The following LMBRD2 variants were observed in gnomAD, a reference collection of about 807,000 sequenced individuals.
The protein encoded by LMBRD2 is LMBR1 domain containing 2, also known as G protein-coupled receptor-associated protein LMBRD2.
In LMBRD2, 55 loss-of-function variants were observed where a neutral mutation model predicts 94.4. The observed-to-expected ratio is 0.58, with a 90% CI of 0.47 to 0.73. The LOEUF (loss-of-function observed/expected upper bound fraction) is 0.73. Ranked by LOEUF, LMBRD2 falls within the 30% of genes least tolerant of loss-of-function variation. The pLI, the probability that LMBRD2 is intolerant of heterozygous loss-of-function variation, is 0.00. For synonymous variants in LMBRD2, 246 were observed against 272.4 expected, an observed-to-expected ratio of 0.90 and a Z score of 0.95; for missense variants, 640 against 831.9, an observed-to-expected ratio of 0.77 and a Z score of 2.84.
At chr5:36,140,938 GTAGACAGTGGATAACTA>G in intron 4 of LMBRD2, 152 bp downstream of exon 4, 1 of 505,902 alleles carries the variant, frequency 2.0e-6, no homozygotes. Flanking sequence ...GAGATGCTTA[GTAGACAGTGGATAACTA>G]TGAGTTTGGA....
intron 7 of LMBRD2, among the ~76,000 whole-genome samples, chr5:36,123,805 T>C (rs986565288): frequency 1.3e-5 from 2 of 151,380 alleles, no homozygotes; most frequent in African/African-American, 4.8e-5. Flanking sequence ...CATGAATATA[T>C]TAATGAAATA....
rs1378566168 is a variant in LMBRD2, at chr5:36,151,316, C to T, written c.-58+240G>A. 2.6e-5 allele frequency among the ~76,000 whole-genome samples: 4 copies of T among 152,224 alleles called. No individual in the cohort carries two copies. In the East Asian group the frequency reaches 7.7e-4, roughly 29 times the overall value. On this transcript the variant is annotated intron_variant, in intron 1 of 17. Coordinates refer to ENST00000296603, the MANE Select transcript of LMBRD2 (RefSeq NM_001007527.2). The surrounding 1 kb of genome is among the most constrained non-coding windows in gnomAD (Gnocchi z 4.7). Reference sequence around the variant, plus strand: ...TTGCTATTTATGAGACCTGTCAAGGCTGCAAGGGCATGCGCAGCCTTCCCA... The same window carrying T: ...TTGCTATTTATGAGACCTGTCAAGGTTGCAAGGGCATGCGCAGCCTTCCCA...
chr5:36,146,334 A>C (rs1370717520), intron 1 of LMBRD2, among the ~76,000 whole-genome samples: 1 of 152,200 alleles, frequency 6.6e-6, no homozygotes, highest in East Asian at 1.9e-4. Flanking sequence ...TCAAGGTGTC[A>C]GCAGGTTTGC....
chr5:36,107,637 T>G (rs117527279), intron 16 of LMBRD2, among the ~76,000 whole-genome samples: 1 of 152,318 alleles, frequency 6.6e-6, no homozygotes, highest in East Asian at 1.9e-4. Context: ...CCTATGACCT[T>G]GTACTTAGTA....
At chr5:36,113,405 G>A (rs1462621322) in intron 13 of LMBRD2, among the ~76,000 whole-genome samples, 4 of 152,062 alleles carry the variant, frequency 2.6e-5, no homozygotes, top group Non-Finnish European at 5.9e-5. Flanking sequence ...ATGTGAGTCC[G>A]CTGATGCTCC....
intron 7 of LMBRD2, among the ~76,000 whole-genome samples, chr5:36,123,970 C>A (rs896173198): frequency 6.6e-6 from 1 of 151,818 alleles, no homozygotes; most frequent in Non-Finnish European, 1.5e-5. Context: ...TATTACTCAA[C>A]CTCTATCTCC....
At chr5:36,135,682 A>C (rs1335859108) in intron 6 of LMBRD2, among the ~76,000 whole-genome samples, 3 of 152,222 alleles carry the variant, frequency 2.0e-5, no homozygotes, top group African/African-American at 7.2e-5. Context: ...AGGTGACTAC[A>C]ATAATCTCTT....
At position 36,122,408 on chromosome 5, in the gene LMBRD2, A is replaced by G. The variant is rs764841047; in HGVS notation, c.992T>C (p.Leu331Ser). Residue 331 changes from leucine (L) to serine (S), a missense_variant, in exon 9 of 18, where the codon TTG (leucine) becomes TCG (serine). Around this residue, in one of 2 missense-constraint regions of LMBRD2, gnomAD observed 457 missense variants for 642.8 expected, o/e 0.71. Coordinates refer to ENST00000296603, the MANE Select transcript of LMBRD2 (RefSeq NM_001007527.2). ...RRTQVQWQIL[L>S]EQAFYLEDVA... ...ATCTTCTAGATAAAATGCTTGTTCC[A>G]AAAGAATCTGCCATTGTACTTGAGT... The G allele has an allele frequency of 6.2e-7, 1 of 1,613,694 alleles. No homozygotes were observed. The highest frequency in any genetic ancestry group is 8.5e-7 in the Non-Finnish European group (1 of 1,179,812).
At chr5:36,105,994 T>C (rs1300526209) in intron 16 of LMBRD2, among the ~76,000 whole-genome samples, 1 of 152,188 alleles carries the variant, frequency 6.6e-6, no homozygotes, top group Non-Finnish European at 1.5e-5. Flanking sequence ...ATATTTACAT[T>C]TTTGTAAGCT....
At chr5:36,121,354 T>A (rs908119917) in intron 9 of LMBRD2, among the ~76,000 whole-genome samples, 5 of 152,224 alleles carry the variant, frequency 3.3e-5, no homozygotes, top group Non-Finnish European at 4.4e-5. Flanking sequence ...TAAGTCTTCA[T>A]ACTCAAAACC....
At chr5:36,128,381 A>C (rs1744056325) in intron 6 of LMBRD2, among the ~76,000 whole-genome samples, 1 of 152,220 alleles carries the variant, frequency 6.6e-6, no homozygotes, top group Admixed American at 6.5e-5. Context: ...GAACATCCAC[A>C]AGAATCAAGC....
At chr5:36,110,693 C>T (rs991791309) in intron 14 of LMBRD2, among the ~76,000 whole-genome samples, 6 of 152,132 alleles carry the variant, frequency 3.9e-5, no homozygotes, top group African/African-American at 1.4e-4. Context: ...AAATTTAATA[C>T]ACTCAGTTTT....
At position 36,099,443 on chromosome 5, in the gene LMBRD2, T is replaced by G. The variant is rs1743303430; in HGVS notation, c.*4603A>C. 1 of 152,152 alleles carries G rather than the reference T, an allele frequency of 6.6e-6. No homozygotes were observed. Among genetic ancestry groups the G allele is most frequent in the African/African-American group, 2.4e-5 (1 of 41,456 alleles). The allele number at this position is 152,152 out of a possible 1,614,324, so 9.4% of individuals were successfully genotyped here. A position where few individuals can be genotyped will look rare whatever the true frequency, so the allele number is the denominator to read the frequency against. ...ATGAACAAAAACAAATCCATTGGAT[T>G]GCTTTTAAAAAATATATACACAGTC... On this transcript the variant is annotated 3_prime_UTR_variant, in exon 18 of 18. Coordinates refer to ENST00000296603, the MANE Select transcript of LMBRD2 (RefSeq NM_001007527.2).
intron 16 of LMBRD2, among the ~76,000 whole-genome samples, chr5:36,107,521 C>T (rs1469893734): frequency 6.6e-6 from 1 of 152,232 alleles, no homozygotes; most frequent in Non-Finnish European, 1.5e-5. Flanking sequence ...ATCATCATTG[C>T]TGATGGCTTG....
At chr5:36,138,564 CAG>C (rs1744327442) in intron 4 of LMBRD2, among the ~76,000 whole-genome samples, 1 of 152,186 alleles carries the variant, frequency 6.6e-6, no homozygotes, top group Non-Finnish European at 1.5e-5. Flanking sequence ...GATGACTACA[CAG>C]GGAAGCGTGA....
chr5:36,146,548 A>C (rs1481070459), intron 1 of LMBRD2, among the ~76,000 whole-genome samples: 1 of 152,124 alleles, frequency 6.6e-6, no homozygotes, highest in East Asian at 1.9e-4. Flanking sequence ...TTTAAAAAAA[A>C]ATTTTTTTTG....
chr5:36,112,984 A>C (rs1333591162), intron 13 of LMBRD2, among the ~76,000 whole-genome samples: 1 of 152,188 alleles, frequency 6.6e-6, no homozygotes, highest in Admixed American at 6.5e-5. Context: ...GAAAACACTA[A>C]AAATATCAGA....
Position 36,143,396 on chromosome 5 carries a change from C to A in LMBRD2, c.-47G>T. The stretch of plus-strand genomic sequence containing the variant: ...TAACCAAAGTTATTCATGTACAGGT[C>A]TGGACCATATCTATAAAGTAAAAAG... On this transcript the variant is annotated 5_prime_UTR_variant, in exon 2 of 18. Coordinates refer to ENST00000296603, the MANE Select transcript of LMBRD2 (RefSeq NM_001007527.2). 1 of 1,432,680 alleles carries A rather than the reference C, an allele frequency of 7.0e-7. No homozygotes were observed. Among genetic ancestry groups the A allele is most frequent in the South Asian group, 1.3e-5 (1 of 76,854 alleles). 88.7% of individuals were successfully genotyped at this position (1,432,680 alleles called of 1,614,324 possible). A position where few individuals can be genotyped will look rare whatever the true frequency, so the allele number is the denominator to read the frequency against.
intron 1 of LMBRD2, among the ~76,000 whole-genome samples, chr5:36,147,586 C>T (rs1442490950): frequency 6.6e-6 from 1 of 152,132 alleles, no homozygotes; most frequent in East Asian, 1.9e-4. Context: ...AATCTTTTTC[C>T]AATCATCAAA....
Sources: gnomAD v4.1 joint callset for allele counts (sites outside exome capture counted in the v4.1 genomes callset) on GRCh38, gnomAD v4.1.1 for gene constraint, gnomAD v4.1.1 regional missense constraint, Gnocchi (gnomAD v3.1) non-coding constraint, MANE v1.5 for transcripts, NCBI Gene and HGNC (gene_info 2026-07-23, HGNC 2026-07-21) for gene names.